CSMD2: variants seen among roughly 807,000 people sequenced by gnomAD.
The protein encoded by CSMD2 is CUB and Sushi multiple domains 2, also known as CUB and sushi domain-containing protein 2.
In CSMD2, 130 loss-of-function variants were observed where a neutral mutation model predicts 398.5. The observed-to-expected ratio is 0.33, with a 90% CI of 0.28 to 0.38. The LOEUF is 0.38. CSMD2 is among the 10% of genes least tolerant of loss of function. CSMD2 has a pLI of 1.00. For synonymous variants in CSMD2, 1,828 were observed against 1,908.5 expected, an observed-to-expected ratio of 0.96 and a Z score of 1.10; for missense variants, 3,829 against 4,764.9, an observed-to-expected ratio of 0.80 and a Z score of 5.78.
chr1:33,959,774 C>G (rs1192161521), intron 3 of CSMD2, among the ~76,000 whole-genome samples: 1 of 152,144 alleles, frequency 6.6e-6, no homozygotes, highest in Non-Finnish European at 1.5e-5. Flanking sequence ...CCAGACTGCC[C>G]TGTCCCATGT....
intron 6 of CSMD2, among the ~76,000 whole-genome samples, chr1:33,832,832 C>T (rs1439378858): frequency 6.6e-6 from 1 of 152,018 alleles, no homozygotes; most frequent in East Asian, 1.9e-4. Context: ...ACCACTGATC[C>T]CACAGAAATA....
At chr1:33,946,366 C>T (rs530771110) in intron 3 of CSMD2, among the ~76,000 whole-genome samples, 15 of 152,266 alleles carry the variant, frequency 9.9e-5, no homozygotes, top group Admixed American at 3.3e-4. Flanking sequence ...GGGTACTTGA[C>T]GTTTACATAG....
At chr1:33,922,040 A>G (rs1401678241) in intron 4 of CSMD2, among the ~76,000 whole-genome samples, 2 of 152,142 alleles carry the variant, frequency 1.3e-5, no homozygotes, top group Non-Finnish European at 2.9e-5. Context: ...ATGGTGAAGG[A>G]GAGAGCAGAG....
At chr1:33,588,528 T>A (rs946723108) in intron 44 of CSMD2, among the ~76,000 whole-genome samples, 2 of 152,248 alleles carry the variant, frequency 1.3e-5, no homozygotes, top group African/African-American at 4.8e-5. Flanking sequence ...TATATCCCAT[T>A]ATTTTAAGTG....
At chr1:33,921,474 A>G (rs1292263878) in intron 4 of CSMD2, among the ~76,000 whole-genome samples, 1 of 152,204 alleles carries the variant, frequency 6.6e-6, no homozygotes, top group African/African-American at 2.4e-5. Flanking sequence ...GGTCCCCAAC[A>G]GTCCTGTCAC....
chr1:33,631,393 AG>A (rs1642459041), intron 32 of CSMD2, among the ~76,000 whole-genome samples: 2 of 152,278 alleles, frequency 1.3e-5, no homozygotes, highest in South Asian at 4.1e-4. Flanking sequence ...GCCACTGAAA[AG>A]GAGGAGATAA....
At chr1:33,781,464 G>A (rs1652757991) in intron 12 of CSMD2, among the ~76,000 whole-genome samples, 1 of 152,220 alleles carries the variant, frequency 6.6e-6, no homozygotes, top group African/African-American at 2.4e-5. Flanking sequence ...AACATTGTCT[G>A]CAACACATCA....
At chr1:34,145,858 C>T (rs991291681) in intron 1 of CSMD2, among the ~76,000 whole-genome samples, 2 of 152,166 alleles carry the variant, frequency 1.3e-5, no homozygotes, top group African/African-American at 4.8e-5. Context: ...AACAAGCCCC[C>T]CATCATTCTC....
intron 25 of CSMD2, among the ~76,000 whole-genome samples, chr1:33,675,228 GAA>G (rs1319146850): frequency 6.6e-6 from 1 of 151,876 alleles, no homozygotes; most frequent in African/African-American, 2.4e-5. Context: ...TAATAAAGAA[GAA>G]AAGAGAGAAG....
chr1:34,024,447 G>T (rs930072702), intron 3 of CSMD2, among the ~76,000 whole-genome samples: 1 of 152,196 alleles, frequency 6.6e-6, no homozygotes, highest in African/African-American at 2.4e-5. Context: ...TCCCCAAAGG[G>T]GTAAAATATT....
intron 13 of CSMD2, among the ~76,000 whole-genome samples, chr1:33,768,849 T>C (rs1173342121): frequency 1.3e-5 from 2 of 152,212 alleles, no homozygotes; most frequent in African/African-American, 2.4e-5. Context: ...ATCCAAGAAG[T>C]TCCTGCCTTC....
intron 2 of CSMD2, among the ~76,000 whole-genome samples, chr1:34,061,877 G>A (rs1489885161): frequency 6.6e-6 from 1 of 152,136 alleles, no homozygotes; most frequent in African/African-American, 2.4e-5. Context: ...CACCATTATT[G>A]CCGTCTATGC....
At chr1:34,161,939 A>T (rs1641363639) in intron 1 of CSMD2, among the ~76,000 whole-genome samples, 1 of 151,898 alleles carries the variant, frequency 6.6e-6, no homozygotes, top group African/African-American at 2.4e-5. Context: ...TTGGGAGGGC[A>T]AGGTGGGCAG....
intron 3 of CSMD2, among the ~76,000 whole-genome samples, chr1:33,976,739 C>CA (rs1645980831): frequency 6.6e-6 from 1 of 152,152 alleles, no homozygotes. Flanking sequence ...TGACACTGGG[C>CA]AACTCTGAAC....
Position 33,725,395 on chromosome 1 carries a change from A to G in CSMD2, c.2649T>C (p.Ser883=). Residue 883 remains serine (S), a synonymous_variant, in exon 17 of 71, where the codon TCT becomes TCC. Transcript: ENST00000373381. ...STSNYLYLLF[S]TDKSHSDIGF... ...CGATGTCCGAGTGACTCTTGTCGGT[A>G]GAGAAGAGGAGGTAGAGGTAGTTGC... 1 of 1,614,006 alleles carries G rather than the reference A, an allele frequency of 6.2e-7. No homozygotes were observed. The highest frequency in any genetic ancestry group is 1.1e-5 in the South Asian group (1 of 91,074).
chr1:33,698,944 C>T lies in CSMD2; in HGVS notation c.3734G>A (p.Ser1245Asn). The change falls in exon 24 of 71, where the codon AGC becomes AAC. Residue 1245 changes from serine to asparagine, a missense_variant and splice_region_variant. Physicochemically the swap from Ser to Asn is conservative, Grantham distance 46. Coordinates refer to ENST00000373381, the MANE Select transcript of CSMD2 (RefSeq NM_001281956.2). ...TSKGFELHFS[S>N]FELIKCEDPG... Reference sequence around the variant, plus strand: ...GTCCTCACATTTGATGAGTTCAAAGCCTGGTGAGGAGAGAAGAGGTAGAGT... The same window carrying T: ...GTCCTCACATTTGATGAGTTCAAAGTCTGGTGAGGAGAGAAGAGGTAGAGT... 2 of 1,612,812 alleles carry T rather than the reference C, an allele frequency of 1.2e-6. No individual in the cohort carries two copies. Among genetic ancestry groups the T allele is most frequent in the East Asian group, 2.2e-5 (1 of 44,860 alleles).
Position 33,832,754 on chromosome 1 carries a change from CA to C in CSMD2, c.1034-6981del, listed in dbSNP as rs1659746688. On this transcript the variant is annotated intron_variant, in intron 6 of 70. Transcript: ENST00000373381. ...ATCAACAAAATTGATAGACCGCTAG[CA>C]AGACTAATAAAGAAGAAAAGAGAGA... is the stretch of plus-strand genomic sequence containing the variant. 2.1e-4 allele frequency among the ~76,000 whole-genome samples: 32 copies of C among 151,072 alleles called. No homozygotes were observed. In the South Asian group the frequency reaches 6.6e-3, roughly 31 times the overall value.
chr1:34,046,488 T>C (rs1283211019), intron 2 of CSMD2, among the ~76,000 whole-genome samples: 1 of 152,132 alleles, frequency 6.6e-6, no homozygotes, highest in African/African-American at 2.4e-5. Context: ...CTAAGAAACT[T>C]TGGGAACCTT....
intron 55 of CSMD2, among the ~76,000 whole-genome samples, chr1:33,551,455 G>A (rs952430832): frequency 6.6e-6 from 1 of 152,222 alleles, no homozygotes; most frequent in African/African-American, 2.4e-5. Context: ...ATGTCTTGGA[G>A]TCTGGTAGGA....
Sources: allele counts gnomAD v4.1 joint callset (sites outside exome capture counted in the v4.1 genomes callset), GRCh38; gene constraint gnomAD v4.1.1; transcripts MANE v1.5; gene names NCBI Gene and HGNC (gene_info 2026-07-23, HGNC 2026-07-21).